The following ANO1 variants were observed in gnomAD, a reference collection of about 807,000 sequenced individuals.
ANO1 encodes the protein anoctamin-1.
A neutral mutation model predicts 124.0 loss-of-function variants in ANO1; 59 were observed. The observed-to-expected ratio is 0.48, with a 90% CI of 0.39 to 0.59. The LOEUF (loss-of-function observed/expected upper bound fraction) is 0.59. Ranked by LOEUF, ANO1 falls within the 20% of genes least tolerant of loss-of-function variation. The probability of loss-of-function intolerance (pLI) is 0.00; values close to 1 mark genes in which losing one functional copy is unlikely to be tolerated. For synonymous variants in ANO1, 529 were observed against 532.0 expected (o/e 0.99, Z 0.08); for missense variants, 1,059 against 1,328.0 (o/e 0.80, Z 3.15).
chr11:70,156,029 T>G (rs1265886630), intron 15 of ANO1, 41 bp downstream of exon 15: 9 of 1,442,132 alleles, frequency 6.2e-6, no homozygotes, highest in Middle Eastern at 3.5e-4. Context: ...CTTGACTGTT[T>G]GCAGGCAATC....
At chr11:69,998,445 A>C (rs1345874110) in intron 1 of ANO1, among the ~76,000 whole-genome samples, 1 of 152,126 alleles carries the variant, frequency 6.6e-6, no homozygotes, top group Non-Finnish European at 1.5e-5. Flanking sequence ...TTTGGTGTTC[A>C]TGAGTAGTAT....
the ANO1 span, among the ~76,000 whole-genome samples, chr11:69,968,649 C>T: frequency 4.6e-5 from 7 of 152,190 alleles, no homozygotes; most frequent in Non-Finnish European, 7.3e-5. Flanking sequence ...TGCAGGGATG[C>T]GGTGGCATCG....
At chr11:70,070,293 C>G (rs782722389) in intron 1 of ANO1, among the ~76,000 whole-genome samples, 1 of 152,126 alleles carries the variant, frequency 6.6e-6, no homozygotes, top group African/African-American at 2.4e-5. Flanking sequence ...AGAGGGAAAA[C>G]AAGATGATGA....
At chr11:70,054,461 C>T (rs1192719822) in intron 1 of ANO1, among the ~76,000 whole-genome samples, 2 of 152,226 alleles carry the variant, frequency 1.3e-5, no homozygotes, top group Non-Finnish European at 2.9e-5. Context: ...GCACCAGCTC[C>T]CCACCACCTC....
chr11:70,022,224 G>T (rs1856822470), intron 1 of ANO1, among the ~76,000 whole-genome samples: 1 of 152,170 alleles, frequency 6.6e-6, no homozygotes, highest in Admixed American at 6.5e-5. Context: ...CATGAAGGTA[G>T]GGTCTTGGTA....
chr11:70,040,054 C>T (rs1857158756), intron 1 of ANO1, among the ~76,000 whole-genome samples: 1 of 152,098 alleles, frequency 6.6e-6, no homozygotes, highest in Admixed American at 6.5e-5. Flanking sequence ...ATTCTCTTCT[C>T]AAAGGAAGAG....
chr11:69,997,299 A>T (rs1367016957), intron 1 of ANO1, among the ~76,000 whole-genome samples: 1 of 144,224 alleles, frequency 6.9e-6, no homozygotes, highest in Non-Finnish European at 1.5e-5. Context: ...CCTCCACTGC[A>T]TAAAATATTA....
At chr11:70,030,723 A>G (rs1555003725) in intron 1 of ANO1, among the ~76,000 whole-genome samples, 1 of 152,150 alleles carries the variant, frequency 6.6e-6, no homozygotes, top group African/African-American at 2.4e-5. Context: ...ATGTCATCAT[A>G]TCTATTAATA....
intron 22 of ANO1, among the ~76,000 whole-genome samples, chr11:70,172,132 A>AAGAAAAGAAAAG (rs1555052148): frequency 4.2e-5 from 6 of 141,576 alleles, no homozygotes; most frequent in Non-Finnish European, 6.1e-5. Context: ...AAAAAAAAAA[A>AAGAAAAGAAAAG]AAAAGAAAAG....
intron 1 of ANO1, among the ~76,000 whole-genome samples, chr11:69,998,838 C>T (rs1438381371): frequency 2.0e-5 from 3 of 151,994 alleles, no homozygotes; most frequent in African/African-American, 7.3e-5. Flanking sequence ...ATCCCAGCTA[C>T]TTGGAAGACT....
At chr11:70,152,642 C>T (rs1178415937) in intron 13 of ANO1, among the ~76,000 whole-genome samples, 181 bp downstream of exon 13, 4 of 152,226 alleles carry the variant, frequency 2.6e-5, no homozygotes, top group East Asian at 1.9e-4. Flanking sequence ...CAGCACCCTT[C>T]GCTGACCTGC....
At chr11:70,138,403 G>C (rs1344367731) in intron 11 of ANO1, among the ~76,000 whole-genome samples, 1 of 149,438 alleles carries the variant, frequency 6.7e-6, no homozygotes, top group East Asian at 2.0e-4. Context: ...AATCTCAGGA[G>C]ACTAAGGCAG....
intron 1 of ANO1, among the ~76,000 whole-genome samples, chr11:69,988,751 G>A (rs1554997143): frequency 6.6e-6 from 1 of 152,186 alleles, no homozygotes; most frequent in Non-Finnish European, 1.5e-5. Flanking sequence ...GGCAGGTGGA[G>A]TTAGGGTGAG....
At chr11:69,997,194 G>A (rs912113148) in intron 1 of ANO1, among the ~76,000 whole-genome samples, 3 of 152,160 alleles carry the variant, frequency 2.0e-5, no homozygotes, top group African/African-American at 7.2e-5. Context: ...GAATAAGGAT[G>A]GCTCCAAAGC....
At chr11:70,062,198 TC>T (rs1555007857) in intron 1 of ANO1, among the ~76,000 whole-genome samples, 1 of 145,888 alleles carries the variant, frequency 6.9e-6, no homozygotes, top group East Asian at 2.2e-4. Flanking sequence ...TGCCTCAGCC[TC>T]CCAAGTAGCT....
chr11:70,053,330 G>A lies in ANO1; in HGVS notation c.59-25212G>A, dbSNP rs1050176967. ...AGTGCAATGTTGAATAGGAGTGGAC[G>A]TGGCAGACATCTGTGTTTCAATTCC... is the stretch of plus-strand genomic sequence containing the variant. On this transcript the variant is annotated intron_variant, in intron 1 of 27. Transcript: ENST00000531349. 1.3e-5 allele frequency among the ~76,000 whole-genome samples: 2 copies of A among 152,084 alleles called. 1 individual carries two copies. Among genetic ancestry groups the A allele is most frequent in the South Asian group, 4.2e-4 (2 of 4,818 alleles).
chr11:70,093,882 A>G (rs554665811), intron 2 of ANO1, among the ~76,000 whole-genome samples: 86 of 151,572 alleles, frequency 5.7e-4, no homozygotes, highest in African/African-American at 2.1e-3. Context: ...GCGGGTTCAG[A>G]CCCCGCCCAG....
chr11:70,119,441 A>G (rs1590784995), intron 8 of ANO1, among the ~76,000 whole-genome samples: 1 of 145,414 alleles, frequency 6.9e-6, no homozygotes, highest in African/African-American at 2.6e-5. Context: ...ATGAATAATT[A>G]ATGATGGATG....
At chr11:70,062,376 C>T (rs1421393354) in intron 1 of ANO1, among the ~76,000 whole-genome samples, 3 of 151,882 alleles carry the variant, frequency 2.0e-5, no homozygotes, top group African/African-American at 7.3e-5. Context: ...CACGCCCGGC[C>T]GAGGTGATTT....
Sources: gnomAD v4.1 joint callset for allele counts (sites outside exome capture counted in the v4.1 genomes callset) on GRCh38, gnomAD v4.1.1 for gene constraint, MANE v1.5 for transcripts, NCBI Gene and HGNC (gene_info 2026-07-23, HGNC 2026-07-21) for gene names.